Variants in TAFA5 observed in about 807,000 individuals in gnomAD.
TAFA5 encodes chemokine-like protein TAFA-5.
In TAFA5, 6 loss-of-function variants were observed where a neutral mutation model predicts 15.3. The ratio of observed to expected loss-of-function variants is 0.39; its 90% CI spans 0.21 to 0.77. TAFA5 has a LOEUF of 0.77. Ranked by LOEUF, TAFA5 falls within the 30% of genes least tolerant of loss-of-function variation. The pLI, the probability that TAFA5 is intolerant of heterozygous loss-of-function variation, is 0.41. For missense variants in TAFA5, 161 were observed against 193.1 expected (o/e 0.83, Z 0.98); for synonymous variants, 103 against 80.7 (o/e 1.28, Z -1.48).
chr22:48,730,630 CT>C (rs1929844781), intron 3 of TAFA5, among the ~76,000 whole-genome samples: 1 of 152,170 alleles, frequency 6.6e-6, no homozygotes, highest in African/African-American at 2.4e-5. Flanking sequence ...GTAATTTCCC[CT>C]GTATTTCAAA....
intron 1 of TAFA5, among the ~76,000 whole-genome samples, chr22:48,599,702 A>G (rs1287785420): frequency 3.9e-5 from 6 of 152,240 alleles, no homozygotes; most frequent in Admixed American, 3.9e-4. Context: ...GGCCAGCCAC[A>G]CAGAGACGTG....
At chr22:48,639,930 G>A (rs5771866) in intron 1 of TAFA5, among the ~76,000 whole-genome samples, 25,350 of 151,904 alleles carry the variant, frequency 0.17, 2,521 homozygotes, top group East Asian at 0.39. Flanking sequence ...GCCCCAAATC[G>A]TGACCGCACC....
rs960988641 is a variant in TAFA5, at chr22:48,750,038, G to A, written c.*191G>A. 4.8e-6 allele frequency: 3 copies of A among 622,382 alleles called. No homozygotes were observed. Among genetic ancestry groups the A allele is most frequent in the Non-Finnish European group, 8.5e-6 (3 of 352,774 alleles). The allele number at this position is 622,382 out of a possible 1,614,324, so 38.6% of individuals were successfully genotyped here. ...CTTCGGTCTGTCCAGCCGACCCGAGGAGGCCGGACTCAGACACATAGGCGG... is the reference window on the plus strand; with the variant it reads ...CTTCGGTCTGTCCAGCCGACCCGAGAAGGCCGGACTCAGACACATAGGCGG... On this transcript the variant is annotated 3_prime_UTR_variant, in exon 4 of 4. Transcript: ENST00000402357.
intron 3 of TAFA5, among the ~76,000 whole-genome samples, chr22:48,710,633 C>G (rs1168687548): frequency 1.3e-5 from 2 of 152,238 alleles, no homozygotes; most frequent in East Asian, 3.9e-4. Flanking sequence ...CGTGTCAGCT[C>G]AGTCCAAGCC....
Position 48,489,625 on chromosome 22 carries a change from A to G in TAFA5, c.33A>G (p.Gln11=), listed in dbSNP as rs764698734. 6.6e-7 allele frequency: 1 copy of G among 1,511,282 alleles called. No individual in the cohort carries two copies. The highest frequency in any genetic ancestry group is 8.9e-7 in the Non-Finnish European group (1 of 1,128,606). The allele number at this position is 1,511,282 out of a possible 1,614,324, so 93.6% of individuals were successfully genotyped here. Residue 11 remains glutamine (Q), a synonymous_variant, in exon 1 of 4, where the codon CAA becomes CAG. Coordinates refer to ENST00000402357, the MANE Select transcript of TAFA5 (RefSeq NM_001082967.3). The surrounding 1 kb of genome is among the most constrained non-coding windows in gnomAD (Gnocchi z 5.5). The part of the protein sequence containing the change: MAPSPRTGSR[Q]DATALPSMSS... ...CATCGCCCAGGACCGGCAGCCGGCA[A>G]GATGCGACCGCCCTGCCCAGCATGT...
intron 1 of TAFA5, among the ~76,000 whole-genome samples, chr22:48,583,627 A>G (rs1415147242): frequency 2.0e-5 from 3 of 151,612 alleles, no homozygotes; most frequent in Non-Finnish European, 4.4e-5. Flanking sequence ...CACGAAATAC[A>G]CCATACACAA....
chr22:48,619,093 C>T (rs1390640598), intron 1 of TAFA5, among the ~76,000 whole-genome samples: 1 of 152,206 alleles, frequency 6.6e-6, no homozygotes, highest in Non-Finnish European at 1.5e-5. Flanking sequence ...TATTTTCAAC[C>T]TCCATGTCCT....
intron 1 of TAFA5, among the ~76,000 whole-genome samples, chr22:48,553,055 C>T (rs547501194): frequency 6.6e-6 from 1 of 152,298 alleles, no homozygotes; most frequent in African/African-American, 2.4e-5. Context: ...CCCTCATCTC[C>T]CACCACCACA....
chr22:48,637,557 C>T (rs1456020630), intron 1 of TAFA5, among the ~76,000 whole-genome samples: 2 of 152,182 alleles, frequency 1.3e-5, no homozygotes, highest in Admixed American at 6.5e-5. Flanking sequence ...CAGCAAAGTG[C>T]CTTTACCCCT....
At chr22:48,620,940 C>T (rs1925799395) in intron 1 of TAFA5, among the ~76,000 whole-genome samples, 1 of 107,178 alleles carries the variant, frequency 9.3e-6, no homozygotes, top group Admixed American at 1.0e-4. Context: ...ATCCCCCCAC[C>T]CACCCTATCT....
chr22:48,588,568 C>T (rs1217371437), intron 1 of TAFA5, among the ~76,000 whole-genome samples: 1 of 152,144 alleles, frequency 6.6e-6, no homozygotes, highest in Non-Finnish European at 1.5e-5. Flanking sequence ...CGAAGTGGGT[C>T]CCCATGGATT....
At chr22:48,514,641 C>G (rs1038994796) in intron 1 of TAFA5, among the ~76,000 whole-genome samples, 4 of 152,152 alleles carry the variant, frequency 2.6e-5, no homozygotes, top group South Asian at 2.1e-4. Context: ...GTCAGTCCCC[C>G]ACTCATGCCA....
intron 1 of TAFA5, among the ~76,000 whole-genome samples, chr22:48,494,842 G>A (rs749934436): frequency 7.9e-5 from 12 of 152,206 alleles, no homozygotes; most frequent in Non-Finnish European, 1.2e-4. Flanking sequence ...GACTATTCTC[G>A]TCTCTCCTTC....
At chr22:48,516,251 A>G (rs1165620522) in intron 1 of TAFA5, among the ~76,000 whole-genome samples, 1 of 152,128 alleles carries the variant, frequency 6.6e-6, no homozygotes, top group Non-Finnish European at 1.5e-5. Context: ...GTGGAACGGC[A>G]TATGCTTGTG....
At chr22:48,590,840 A>T (rs1007603940) in intron 1 of TAFA5, among the ~76,000 whole-genome samples, 13 of 150,656 alleles carry the variant, frequency 8.6e-5, no homozygotes, top group African/African-American at 2.9e-4. Flanking sequence ...CTTTTTGTTC[A>T]TGATTTGTTC....
chr22:48,707,879 G>A lies in TAFA5; in HGVS notation c.390+35G>A, dbSNP rs1436254711. 5.6e-6 allele frequency: 9 copies of A among 1,603,378 alleles called. No individual in the cohort carries two copies. The African/African-American group carries it at 1.2e-4, about 21-fold the overall frequency. On this transcript the variant is annotated intron_variant, in intron 3 of 3. Coordinates refer to ENST00000402357, the MANE Select transcript of TAFA5 (RefSeq NM_001082967.3). ...CCTCGGCTTTCTCGTGGGTGTGCTG[G>A]GGAGGGGGTATGTGTGTGCGGGCCT...
intron 1 of TAFA5, among the ~76,000 whole-genome samples, chr22:48,533,309 T>G (rs936693310): frequency 6.6e-6 from 1 of 152,158 alleles, no homozygotes; most frequent in Middle Eastern, 3.2e-3. Flanking sequence ...CCTTTGGCTC[T>G]CACCTGGGAC....
intron 1 of TAFA5, chr22:48,545,249 G>T: frequency 3.8e-6 from 1 of 264,810 alleles, no homozygotes; most frequent in Non-Finnish European, 7.5e-6. Context: ...GCCATTTGGC[G>T]TAAGGCCTCT....
chr22:48,667,179 G>A lies in TAFA5; in HGVS notation c.262+20433G>A, dbSNP rs553328888. On this transcript the variant is annotated intron_variant, in intron 2 of 3. Coordinates refer to ENST00000402357, the MANE Select transcript of TAFA5 (RefSeq NM_001082967.3). The stretch of plus-strand genomic sequence containing the variant: ...GGGCAGCACAGGGCAGCAGGGATGA[G>A]GTCTGCCCATCCGAGCGGCCTGCAG... 8.5e-5 allele frequency among the ~76,000 whole-genome samples: 13 copies of A among 152,292 alleles called. No homozygotes were observed. The East Asian group carries it at 2.5e-3, about 30-fold the overall frequency.
Sources: gnomAD v4.1 joint callset for allele counts (sites outside exome capture counted in the v4.1 genomes callset) on GRCh38, gnomAD v4.1.1 for gene constraint, Gnocchi (gnomAD v3.1) non-coding constraint, MANE v1.5 for transcripts, NCBI Gene and HGNC (gene_info 2026-07-23, HGNC 2026-07-21) for gene names.